Variants in GLS observed in about 807,000 individuals in gnomAD.
GLS encodes glutaminase kidney isoform, mitochondrial.
GLS carries 36 observed loss-of-function variants against 86.7 expected under a neutral mutation model. The observed-to-expected ratio is 0.42, with a 90% CI of 0.32 to 0.55. GLS has a LOEUF of 0.55. Ranked by LOEUF, GLS falls within the 20% of genes least tolerant of loss-of-function variation. GLS has a pLI of 0.17. For synonymous variants in GLS, 317 were observed against 305.9 expected, an observed-to-expected ratio of 1.04 and a Z score of -0.38; for missense variants, 528 against 833.4, an observed-to-expected ratio of 0.63 and a Z score of 4.51.
At position 190,956,588 on chromosome 2, in the gene GLS, C is replaced by G. The variant is rs1690866803; in HGVS notation, c.1853+1770C>G. On this transcript the variant is annotated intron_variant, in intron 17 of 17. Transcript: ENST00000320717. This position sits in a 1 kb window ranked among gnomAD's most constrained non-coding sequence, Gnocchi z 4.2. Reference sequence around the variant, plus strand: ...TAGGATCGTCTTGGCTATGTGGGCTCTTTTTTGGTTATATATGAAATTTAA... The same window carrying G: ...TAGGATCGTCTTGGCTATGTGGGCTGTTTTTTGGTTATATATGAAATTTAA... Among the ~76,000 whole-genome samples, 1 of 151,936 alleles carries G rather than the reference C, an allele frequency of 6.6e-6. No individual in the cohort carries two copies. Among genetic ancestry groups the G allele is most frequent in the Admixed American group, 6.6e-5 (1 of 15,240 alleles).
chr2:190,948,442 G>A (rs577409098), intron 14 of GLS, among the ~76,000 whole-genome samples: 103 of 152,054 alleles, frequency 6.8e-4, no homozygotes, highest in Middle Eastern at 3.4e-3. Flanking sequence ...CTTTTAGAAC[G>A]TTTGAAATGT....
chr2:190,926,691 T>C (rs1268488873), intron 11 of GLS, among the ~76,000 whole-genome samples: 1 of 152,190 alleles, frequency 6.6e-6, no homozygotes, highest in Non-Finnish European at 1.5e-5. Flanking sequence ...CCATAGTAAA[T>C]ATCAAATAAA....
chr2:190,947,962 T>G lies in GLS; in HGVS notation c.1651-5603T>G, dbSNP rs142181350. On this transcript the variant is annotated intron_variant, in intron 14 of 17. Transcript: ENST00000320717. The surrounding 1 kb of genome is among the most constrained non-coding windows in gnomAD (Gnocchi z 5.0). ...GTCCCTAAATGAAATACTCCATCTG[T>G]TGTCTCAAAAGTGTTAAACTAGTTT... 1.4e-3 allele frequency among the ~76,000 whole-genome samples: 210 copies of G among 152,346 alleles called. No homozygotes were observed. The highest frequency in any genetic ancestry group is 2.3e-3 in the Non-Finnish European group (159 of 68,032).
At chr2:190,908,920 C>T (rs924457933) in intron 6 of GLS, among the ~76,000 whole-genome samples, 3 of 152,110 alleles carry the variant, frequency 2.0e-5, no homozygotes, top group African/African-American at 7.2e-5. Flanking sequence ...TTAATACTCA[C>T]ATTTATGTGA....
At chr2:190,903,211 A>AT (rs919245868) in intron 5 of GLS, among the ~76,000 whole-genome samples, 17 of 151,814 alleles carry the variant, frequency 1.1e-4, no homozygotes, top group South Asian at 8.3e-4. Flanking sequence ...GGTGATTTTA[A>AT]TTTTTTTTTA....
chr2:190,905,830 G>C lies in GLS; in HGVS notation c.979+663G>C, dbSNP rs1235591033. Among the ~76,000 whole-genome samples, 1 of 152,042 alleles carries C rather than the reference G, an allele frequency of 6.6e-6. No homozygotes were observed. Among genetic ancestry groups the C allele is most frequent in the Non-Finnish European group, 1.5e-5 (1 of 67,938 alleles). ...AAACTAGTCCCATGGTTTGGTTTCT[G>C]TTTTTTAATCTTCTAAGCATATGCT... On this transcript the variant is annotated intron_variant, in intron 6 of 17. Transcript: ENST00000320717. The surrounding 1 kb of genome is among the most constrained non-coding windows in gnomAD (Gnocchi z 4.6).
chr2:190,924,624 A>G lies in GLS; in HGVS notation c.1248+31A>G, dbSNP rs1433037203. 1 of 1,222,762 alleles carries G rather than the reference A, an allele frequency of 8.2e-7. No homozygotes were observed. Among genetic ancestry groups the G allele is most frequent in the African/African-American group, 1.5e-5 (1 of 67,530 alleles). The allele number at this position is 1,222,762 out of a possible 1,614,324, so 75.7% of individuals were successfully genotyped here. ...CTAATTATGTAAATCGTATATATAA[A>G]TGGATGTGTCGGCTGGGCACGGTGG... On this transcript the variant is annotated intron_variant, in intron 11 of 17. Coordinates refer to ENST00000320717, the MANE Select transcript of GLS (RefSeq NM_014905.5). This position sits in a 1 kb window ranked among gnomAD's most constrained non-coding sequence, Gnocchi z 5.2.
intron 7 of GLS, 111 bp downstream of exon 7, chr2:190,910,432 G>A: frequency 1.7e-6 from 1 of 587,956 alleles, no homozygotes; most frequent in South Asian, 2.4e-5. Flanking sequence ...ATTTTCTCTT[G>A]GTGTTAAGAA....
Position 190,946,056 on chromosome 2 carries a change from C to T in GLS, c.1651-7509C>T, listed in dbSNP as rs530731296. Among the ~76,000 whole-genome samples, 11 of 152,264 alleles carry T rather than the reference C, an allele frequency of 7.2e-5. No individual in the cohort carries two copies. In the East Asian group the frequency reaches 9.6e-4, roughly 13 times the overall value. On this transcript the variant is annotated intron_variant, in intron 14 of 17. Coordinates refer to ENST00000320717, the MANE Select transcript of GLS (RefSeq NM_014905.5). Reference sequence around the variant, plus strand: ...GCTTAGGAATATGTGGCCTCATACTCAGACTGTCTAATTACAAAAGTAGTA... The same window carrying T: ...GCTTAGGAATATGTGGCCTCATACTTAGACTGTCTAATTACAAAAGTAGTA...
intron 6 of GLS, among the ~76,000 whole-genome samples, chr2:190,907,219 C>T (rs936948625): frequency 6.8e-6 from 1 of 147,328 alleles, no homozygotes; most frequent in East Asian, 2.0e-4. Context: ...CCACTGCACC[C>T]GGCAGTAGTT....
rs956496560 is a variant in GLS, at chr2:190,881,546, G to A, written c.386+76G>A. 35 of 1,360,370 alleles carry A rather than the reference G, an allele frequency of 2.6e-5. No individual in the cohort carries two copies. In the African/African-American group the frequency reaches 5.1e-4, roughly 20 times the overall value. 84.3% of individuals were successfully genotyped at this position (1,360,370 alleles called of 1,614,324 possible). A position where few individuals can be genotyped will look rare whatever the true frequency, so the allele number is the denominator to read the frequency against. Reference sequence around the variant, plus strand: ...CTCAGGCTGTGTGGGGCCCTGCGGTGGGGCGGGATAGGAGCCGAGGGTCTA... The same window carrying A: ...CTCAGGCTGTGTGGGGCCCTGCGGTAGGGCGGGATAGGAGCCGAGGGTCTA... On this transcript the variant is annotated intron_variant, in intron 1 of 17. Coordinates refer to ENST00000320717, the MANE Select transcript of GLS (RefSeq NM_014905.5).
chr2:190,892,177 A>G (rs1426719971), intron 1 of GLS, among the ~76,000 whole-genome samples: 1 of 152,164 alleles, frequency 6.6e-6, no homozygotes, highest in Non-Finnish European at 1.5e-5. Context: ...ATTATTTTTT[A>G]AGACAGTTAA....
intron 7 of GLS, among the ~76,000 whole-genome samples, chr2:190,918,999 A>G (rs1689640189): frequency 6.6e-6 from 1 of 152,142 alleles, no homozygotes; most frequent in Admixed American, 6.6e-5. Context: ...CTGATCACAG[A>G]TCCCCATAAG....
intron 6 of GLS, among the ~76,000 whole-genome samples, chr2:190,909,040 A>G (rs752519989): frequency 1.4e-4 from 21 of 152,264 alleles, no homozygotes; most frequent in Non-Finnish European, 2.6e-4. Flanking sequence ...AAATAAAAGT[A>G]TAAACTAATT....
In GLS at chr2:190,922,755, A is replaced by T. The variant is rs148968533; in HGVS notation, c.1131-1162A>T. Among the ~76,000 whole-genome samples the T allele has an allele frequency of 4.3e-4, 65 of 152,272 alleles. 1 individual carries two copies. The highest frequency in any genetic ancestry group is 3.9e-3 in the East Asian group (20 of 5,188). ...AGAATTTGAAATGTTAAAATGTGCA[A>T]TTAGAAGGGGCTGTCCACCTCAGTG... is the stretch of plus-strand genomic sequence containing the variant. On this transcript the variant is annotated intron_variant, in intron 9 of 17. Transcript: ENST00000320717.
chr2:190,883,095 CTT>C (rs945804744), intron 1 of GLS, among the ~76,000 whole-genome samples: 1 of 151,948 alleles, frequency 6.6e-6, no homozygotes, highest in Admixed American at 6.6e-5. Flanking sequence ...TAGTGCCTCT[CTT>C]TTTTTTCCTC....
At chr2:190,885,668 T>G (rs1688354082) in intron 1 of GLS, among the ~76,000 whole-genome samples, 1 of 152,178 alleles carries the variant, frequency 6.6e-6, no homozygotes, top group Non-Finnish European at 1.5e-5. Context: ...TTATGATCCT[T>G]CAGTATTGCA....
Position 190,910,291 on chromosome 2 carries a change from TG to T in GLS, c.1010del (p.Gly337GlufsTer5). ...DKPHNPMVNA[G>X]AIVVTSLIKQ... Reference sequence around the variant, plus strand: ...AACCACATAATCCTATGGTAAATGCTGGAGCAATTGTTGTGACTTCACTAAT... The same window carrying T: ...AACCACATAATCCTATGGTAAATGCTGAGCAATTGTTGTGACTTCACTAAT... On this transcript the variant is annotated frameshift_variant, in exon 7 of 18. Transcript: ENST00000320717. LOFTEE classifies it high-confidence loss of function. 1 of 1,573,150 alleles carries T rather than the reference TG, an allele frequency of 6.4e-7. No individual in the cohort carries two copies. Among genetic ancestry groups the T allele is most frequent in the South Asian group, 1.1e-5 (1 of 87,224 alleles).
rs576629928 is a variant in GLS, at chr2:190,897,274, C to T, written c.605+1549C>T. On this transcript the variant is annotated intron_variant, in intron 3 of 17. Coordinates refer to ENST00000320717, the MANE Select transcript of GLS (RefSeq NM_014905.5). This position sits in a 1 kb window ranked among gnomAD's most constrained non-coding sequence, Gnocchi z 4.3. ...TCCTGACCTCAGGTAATCCATCCGC[C>T]TCGGCCTCCTAAAGTTACACGGTTT... 1.3e-5 allele frequency among the ~76,000 whole-genome samples: 2 copies of T among 152,206 alleles called. No individual in the cohort carries two copies. Among genetic ancestry groups the T allele is most frequent in the African/African-American group, 2.4e-5 (1 of 41,530 alleles).
Sources: allele counts gnomAD v4.1 joint callset (sites outside exome capture counted in the v4.1 genomes callset), GRCh38; gene constraint gnomAD v4.1.1; non-coding constraint Gnocchi (gnomAD v3.1); transcripts MANE v1.5; gene names NCBI Gene and HGNC (gene_info 2026-07-23, HGNC 2026-07-21).